Variants in SCAI observed in about 807,000 individuals in gnomAD.
SCAI encodes the protein protein SCAI.
SCAI carries 24 observed loss-of-function variants against 92.2 expected under a neutral mutation model. The observed-to-expected ratio is 0.26, with a 90% CI of 0.19 to 0.37. The LOEUF (loss-of-function observed/expected upper bound fraction) is 0.37. SCAI is among the 10% of genes least tolerant of loss of function. The pLI is 1.00. For synonymous variants in SCAI, 261 were observed against 258.6 expected (o/e 1.01, Z -0.09); for missense variants, 450 against 736.2 (o/e 0.61, Z 4.50).
At position 124,945,948 on chromosome 9, in the gene SCAI, A is replaced by G. The variant is rs529636833; in HGVS notation, c.*6859T>C. 2.0e-5 allele frequency: 3 copies of G among 152,314 alleles called. No homozygotes were observed. Among genetic ancestry groups the G allele is most frequent in the African/African-American group, 7.2e-5 (3 of 41,572 alleles). The allele number at this position is 152,314 out of a possible 1,614,324, so 9.4% of individuals were successfully genotyped here. A position where few individuals can be genotyped will look rare whatever the true frequency, so the allele number is the denominator to read the frequency against. ...GTAAAGTATCAATGTATAAGAGCGC[A>G]GGAGACTGGGGGAAAGGGCTGGGTT... On this transcript the variant is annotated 3_prime_UTR_variant, in exon 18 of 18. Coordinates refer to ENST00000336505, the MANE Select transcript of SCAI (RefSeq NM_001144877.3).
At chr9:125,133,263 G>A (rs1473266268) in intron 2 of SCAI, among the ~76,000 whole-genome samples, 5 of 151,196 alleles carry the variant, frequency 3.3e-5, no homozygotes, top group Middle Eastern at 3.2e-3. Flanking sequence ...GGTAGCAGGC[G>A]CCTTAATCGC....
In SCAI at chr9:124,999,924, T is replaced by C; in HGVS notation, c.1211A>G (p.His404Arg). ...TTCCTTGTGGGACTGATTTCGTTTGTGGATGGCATCTCCATTAATAATATC... is the reference window on the plus strand; with the variant it reads ...TTCCTTGTGGGACTGATTTCGTTTGCGGATGGCATCTCCATTAATAATATC... ...NRDIINGDAI[H>R]KRNQSHKEMH... The change falls in exon 13 of 18, where the codon CAC becomes CGC. Residue 404 changes from histidine (H) to arginine (R), a missense_variant. Around this residue, in one of 3 missense-constraint regions of SCAI, gnomAD observed 360 missense variants for 601.8 expected, o/e 0.60. Transcript: ENST00000336505. 6.3e-7 allele frequency: 1 copy of C among 1,595,476 alleles called. No individual in the cohort carries two copies. The highest frequency in any genetic ancestry group is 1.1e-5 in the South Asian group (1 of 89,086).
intron 3 of SCAI, among the ~76,000 whole-genome samples, chr9:125,051,343 G>A (rs1463702221): frequency 2.0e-5 from 3 of 152,140 alleles, no homozygotes; most frequent in Non-Finnish European, 4.4e-5. Context: ...TATTTAAATT[G>A]AAGAGGGTCA....
At position 124,951,451 on chromosome 9, in the gene SCAI, G is replaced by C. The variant is rs1831234986; in HGVS notation, c.*1356C>G. ...ACCTGGGAGGCGGAGGTTGCAGTGAGCCGAGATAGCCCCACTGCACTCCAA... is the reference window on the plus strand; with the variant it reads ...ACCTGGGAGGCGGAGGTTGCAGTGACCCGAGATAGCCCCACTGCACTCCAA... On this transcript the variant is annotated 3_prime_UTR_variant, in exon 18 of 18. Transcript: ENST00000336505. 1 of 152,212 alleles carries C rather than the reference G, an allele frequency of 6.6e-6. No homozygotes were observed. Among genetic ancestry groups the C allele is most frequent in the Admixed American group, 6.5e-5 (1 of 15,278 alleles). 9.4% of individuals were successfully genotyped at this position (152,212 alleles called of 1,614,324 possible). A position where few individuals can be genotyped will look rare whatever the true frequency, so the allele number is the denominator to read the frequency against.
chr9:125,069,917 C>T (rs556661913), intron 2 of SCAI, among the ~76,000 whole-genome samples: 1 of 151,956 alleles, frequency 6.6e-6, no homozygotes, highest in East Asian at 1.9e-4. Context: ...CCACCGTGCC[C>T]GGCCATGAGC....
intron 2 of SCAI, among the ~76,000 whole-genome samples, chr9:125,076,741 C>A (rs1267630786): frequency 6.6e-6 from 1 of 152,058 alleles, no homozygotes; most frequent in Admixed American, 6.5e-5. Flanking sequence ...CACTGTCACC[C>A]AGGCTGGAGT....
intron 2 of SCAI, among the ~76,000 whole-genome samples, chr9:125,068,319 AG>A (rs1180393306): frequency 6.6e-6 from 1 of 151,588 alleles, no homozygotes; most frequent in Non-Finnish European, 1.5e-5. Flanking sequence ...TGGGCAACAA[AG>A]CAAGACCCCA....
chr9:125,079,086 T>C (rs2131177194), intron 2 of SCAI, among the ~76,000 whole-genome samples: 1 of 152,308 alleles, frequency 6.6e-6, no homozygotes, highest in South Asian at 2.1e-4. Context: ...TGCAATTACT[T>C]GATTCATCTA....
intron 2 of SCAI, among the ~76,000 whole-genome samples, chr9:125,114,230 G>A (rs1342732765): frequency 3.3e-5 from 5 of 152,164 alleles, no homozygotes; most frequent in Non-Finnish European, 7.3e-5. Flanking sequence ...TCTTGGTGAA[G>A]CTGGTTGTTA....
chr9:125,055,945 CCCTGTGGGATAT>C lies in SCAI; in HGVS notation c.149_160del (p.Asp50_Gln53del). The stretch of plus-strand genomic sequence containing the variant: ...AAAATCTGTAACTGTTTTCCTCTCT[CCCTGTGGGATAT>C]CATCTTCAGCACCTCCAGAGGACAT... On this transcript the variant is annotated inframe_deletion, in exon 3 of 18. Coordinates refer to ENST00000336505, the MANE Select transcript of SCAI (RefSeq NM_001144877.3). The C allele has an allele frequency of 3.1e-6, 5 of 1,611,982 alleles. No individual in the cohort carries two copies. The highest frequency in any genetic ancestry group is 4.2e-6 in the Non-Finnish European group (5 of 1,178,226).
chr9:125,054,465 G>A (rs940441146), intron 3 of SCAI, among the ~76,000 whole-genome samples: 10 of 150,692 alleles, frequency 6.6e-5, no homozygotes, highest in South Asian at 2.1e-4. Flanking sequence ...CTGAATTTTC[G>A]TACCCAATAC....
chr9:125,122,694 C>G (rs1312775040), intron 2 of SCAI, among the ~76,000 whole-genome samples: 2 of 151,812 alleles, frequency 1.3e-5, no homozygotes, highest in Admixed American at 1.3e-4. Flanking sequence ...TGCTTGAGCC[C>G]AGGAGTTCGA....
At chr9:125,043,378 T>C (rs1316849231) in intron 3 of SCAI, among the ~76,000 whole-genome samples, 1 of 152,210 alleles carries the variant, frequency 6.6e-6, no homozygotes, top group Non-Finnish European at 1.5e-5. Flanking sequence ...CAAACTGCAT[T>C]TGAGACTTCA....
chr9:124,955,577 C>G (rs576836130), intron 17 of SCAI, among the ~76,000 whole-genome samples: 1 of 151,602 alleles, frequency 6.6e-6, no homozygotes, highest in South Asian at 2.1e-4. Context: ...GCTGAGAGCA[C>G]GCCACTGCCC....
At chr9:125,108,066 G>A (rs1045976552) in intron 2 of SCAI, among the ~76,000 whole-genome samples, 4 of 152,230 alleles carry the variant, frequency 2.6e-5, no homozygotes, top group African/African-American at 9.6e-5. Context: ...GCTCCTAACC[G>A]CGAGTGATCT....
chr9:125,041,848 A>C (rs1833322842), intron 3 of SCAI, among the ~76,000 whole-genome samples: 2 of 152,128 alleles, frequency 1.3e-5, no homozygotes, highest in African/African-American at 4.8e-5. Context: ...ATAGGGTTTA[A>C]ATTTTTTAAA....
chr9:125,020,888 C>G, intron 6 of SCAI, 119 bp from the exon 7 acceptor site: 1 of 526,248 alleles, frequency 1.9e-6, no homozygotes, highest in Non-Finnish European at 3.4e-6. Flanking sequence ...TATAAACATT[C>G]CCACATATAA....
chr9:125,027,952 T>C (rs59316592), intron 5 of SCAI, among the ~76,000 whole-genome samples: 26,076 of 152,200 alleles, frequency 0.17, 2,389 homozygotes, highest in East Asian at 0.24. Flanking sequence ...ATATAGATGT[T>C]AGTGCTCTAA....
At chr9:125,070,776 A>G (rs911727775) in intron 2 of SCAI, among the ~76,000 whole-genome samples, 1 of 152,068 alleles carries the variant, frequency 6.6e-6, no homozygotes, top group Non-Finnish European at 1.5e-5. Flanking sequence ...CACACCTGTA[A>G]TCTCATGCCT....
Sources: gnomAD v4.1 joint callset for allele counts (sites outside exome capture counted in the v4.1 genomes callset) on GRCh38, gnomAD v4.1.1 for gene constraint, gnomAD v4.1.1 regional missense constraint, MANE v1.5 for transcripts, NCBI Gene and HGNC (gene_info 2026-07-23, HGNC 2026-07-21) for gene names.